The following ENOX1 variants were observed in gnomAD, a reference collection of about 807,000 sequenced individuals.
ENOX1 encodes candidate growth-related and time keeping constitutive hydroquinone (NADH) oxidase.
In ENOX1, 42 loss-of-function variants were observed where a neutral mutation model predicts 82.5. The ratio of observed to expected loss-of-function variants is 0.51; its 90% CI spans 0.40 to 0.66. The LOEUF is 0.66. Among genes scored for constraint, ENOX1 ranks in the 30% least tolerant of loss-of-function variants. The pLI, the probability that ENOX1 is intolerant of heterozygous loss-of-function variation, is 0.00. For synonymous variants in ENOX1, 271 were observed against 282.2 expected, an observed-to-expected ratio of 0.96 and a Z score of 0.40; for missense variants, 608 against 811.6, an observed-to-expected ratio of 0.75 and a Z score of 3.05.
intron 1 of ENOX1, among the ~76,000 whole-genome samples, chr13:43,726,408 G>T (rs1231995925): frequency 2.6e-5 from 4 of 151,744 alleles, no homozygotes; most frequent in Admixed American, 1.3e-4. Flanking sequence ...GTAGAGACAG[G>T]GTTTCACCAT....
chr13:43,464,928 G>A (rs1421606498), intron 3 of ENOX1, among the ~76,000 whole-genome samples: 1 of 152,200 alleles, frequency 6.6e-6, no homozygotes, highest in Non-Finnish European at 1.5e-5. Flanking sequence ...CGGTCTTGAT[G>A]TGTATTAGCC....
intron 5 of ENOX1, among the ~76,000 whole-genome samples, chr13:43,400,071 C>G (rs1188601039): frequency 6.6e-6 from 1 of 152,144 alleles, no homozygotes; most frequent in African/African-American, 2.4e-5. Flanking sequence ...TTCTCACCAC[C>G]TGTTAAAATC....
At position 43,612,562 on chromosome 13, in the gene ENOX1, G is replaced by C. The variant is rs190221674; in HGVS notation, c.-219+54917C>G. Among the ~76,000 whole-genome samples, 430 of 152,152 alleles carry C rather than the reference G, an allele frequency of 2.8e-3. 2 individuals carry two copies. Among genetic ancestry groups the C allele is most frequent in the African/African-American group, 9.9e-3 (411 of 41,496 alleles). On this transcript the variant is annotated intron_variant, in intron 2 of 16. Transcript: ENST00000690772. ...AGGATTCAGGGTACCTTCCAAAAGC[G>C]AAAAGTAAAGGCAGACTTCAGGGCT...
At chr13:43,540,251 C>A (rs1002913455) in intron 2 of ENOX1, among the ~76,000 whole-genome samples, 8 of 152,044 alleles carry the variant, frequency 5.3e-5, no homozygotes, top group African/African-American at 1.4e-4. Context: ...TTGTTTTTTT[C>A]CCTAACACTA....
chr13:43,420,780 G>A (rs1327587131), intron 3 of ENOX1, among the ~76,000 whole-genome samples: 1 of 152,156 alleles, frequency 6.6e-6, no homozygotes, highest in African/African-American at 2.4e-5. Context: ...TTCTTAGATA[G>A]GAGTAAGTTT....
intron 3 of ENOX1, among the ~76,000 whole-genome samples, chr13:43,443,285 A>C (rs567883368): frequency 6.6e-6 from 1 of 152,344 alleles, no homozygotes; most frequent in East Asian, 1.9e-4. Context: ...TCCCATATAC[A>C]TAGTAATATA....
chr13:43,286,431 T>TG (rs2045705385), intron 12 of ENOX1, among the ~76,000 whole-genome samples: 1 of 152,158 alleles, frequency 6.6e-6, no homozygotes, highest in African/African-American at 2.4e-5. Context: ...AACACAGCGT[T>TG]GGGAAAAGGA....
intron 14 of ENOX1, among the ~76,000 whole-genome samples, chr13:43,263,984 T>C (rs1432793657): frequency 6.6e-6 from 1 of 152,236 alleles, no homozygotes; most frequent in Non-Finnish European, 1.5e-5. Context: ...GAGCTCTGTA[T>C]GAATGGCTTC....
In ENOX1 at chr13:43,756,809, C is replaced by T. The variant is rs1950668226; in HGVS notation, c.-285+29843G>A. Among the ~76,000 whole-genome samples the T allele has an allele frequency of 2.0e-5, 3 of 151,662 alleles. No individual in the cohort carries two copies. The South Asian group carries it at 6.3e-4, about 32-fold the overall frequency. On this transcript the variant is annotated intron_variant, in intron 1 of 16. Coordinates refer to ENST00000690772, the MANE Select transcript of ENOX1 (RefSeq NM_001347969.2). Reference sequence around the variant, plus strand: ...ATTACCTTCTCTAGTTATAACTGTCCCACTGTGATTTAGGCAAAAGCCATC... The same window carrying T: ...ATTACCTTCTCTAGTTATAACTGTCTCACTGTGATTTAGGCAAAAGCCATC...
intron 8 of ENOX1, among the ~76,000 whole-genome samples, chr13:43,349,936 G>A (rs999209547): frequency 2.6e-5 from 4 of 152,286 alleles, no homozygotes; most frequent in African/African-American, 9.6e-5. Context: ...AATAAAAAGG[G>A]TTCAAGACTT....
At position 43,786,958 on chromosome 13, in the gene ENOX1, C is replaced by T. The variant is rs1307346238; in HGVS notation, c.-591G>A. 1 of 150,014 alleles carries T rather than the reference C, an allele frequency of 6.7e-6. No homozygotes were observed. Among genetic ancestry groups the T allele is most frequent in the Non-Finnish European group, 1.5e-5 (1 of 67,380 alleles). The allele number at this position is 150,014 out of a possible 1,614,324, so 9.3% of individuals were successfully genotyped here. ...CTGGAGGCGCGCGGGCGTGCGCACG[C>T]GCGCCTGCGAGTGTGAGTGTATGGG... On this transcript the variant is annotated 5_prime_UTR_variant, in exon 1 of 17. Coordinates refer to ENST00000690772, the MANE Select transcript of ENOX1 (RefSeq NM_001347969.2). This position sits in a 1 kb window ranked among gnomAD's most constrained non-coding sequence, Gnocchi z 6.0.
At chr13:43,574,996 G>A (rs925857909) in intron 2 of ENOX1, among the ~76,000 whole-genome samples, 12 of 152,172 alleles carry the variant, frequency 7.9e-5, no homozygotes, top group African/African-American at 1.7e-4. Flanking sequence ...TGACAAAAGA[G>A]AGAGCCACAT....
At chr13:43,647,751 T>C (rs1458680464) in intron 2 of ENOX1, among the ~76,000 whole-genome samples, 1 of 152,238 alleles carries the variant, frequency 6.6e-6, no homozygotes, top group Non-Finnish European at 1.5e-5. Context: ...TGTTACCTTA[T>C]ATGGCAAAAT....
At position 43,454,725 on chromosome 13, in the gene ENOX1, T is replaced by C. The variant is rs56982651; in HGVS notation, c.-75+29284A>G. 9.7e-3 allele frequency among the ~76,000 whole-genome samples: 1,484 copies of C among 152,292 alleles called. 23 individuals are homozygous for C. Among genetic ancestry groups the C allele is most frequent in the African/African-American group, 0.033 (1,378 of 41,554 alleles). ...GTAGTAAAAGAGTATGCGTTCGATG[T>C]TGTTCAACATCTTATTTTTCCTGGT... On this transcript the variant is annotated intron_variant, in intron 3 of 16. Transcript: ENST00000690772.
intron 12 of ENOX1, among the ~76,000 whole-genome samples, chr13:43,294,634 C>G (rs972843942): frequency 6.6e-6 from 1 of 152,274 alleles, no homozygotes; most frequent in Non-Finnish European, 1.5e-5. Context: ...AGGATTTACT[C>G]AAGTAAAATG....
intron 2 of ENOX1, among the ~76,000 whole-genome samples, chr13:43,626,795 AT>A (rs1478507615): frequency 6.6e-6 from 1 of 151,824 alleles, no homozygotes; most frequent in Non-Finnish European, 1.5e-5. Context: ...ATAAATGTAA[AT>A]TTGATCCTAT....
chr13:43,472,255 G>A (rs916185600), intron 3 of ENOX1, among the ~76,000 whole-genome samples: 1 of 152,114 alleles, frequency 6.6e-6, no homozygotes, highest in Non-Finnish European at 1.5e-5. Context: ...TAGAACGTCT[G>A]TAGCCATAAA....
At chr13:43,235,459 G>A (rs557094519) in intron 15 of ENOX1, among the ~76,000 whole-genome samples, 4 of 152,248 alleles carry the variant, frequency 2.6e-5, no homozygotes, top group East Asian at 3.9e-4. Flanking sequence ...GGGACCAGGC[G>A]CGGTGGCTCA....
At chr13:43,628,072 G>C (rs1003201709) in intron 2 of ENOX1, among the ~76,000 whole-genome samples, 2 of 151,916 alleles carry the variant, frequency 1.3e-5, no homozygotes, top group Non-Finnish European at 2.9e-5. Flanking sequence ...ATGCATCTTA[G>C]TGTAAACTTT....
Sources: gnomAD v4.1 joint callset for allele counts (sites outside exome capture counted in the v4.1 genomes callset) on GRCh38, gnomAD v4.1.1 for gene constraint, Gnocchi (gnomAD v3.1) non-coding constraint, MANE v1.5 for transcripts, NCBI Gene and HGNC (gene_info 2026-07-23, HGNC 2026-07-21) for gene names.